INPP4B: variants seen among roughly 807,000 people sequenced by gnomAD.
INPP4B encodes inositol polyphosphate-4-phosphatase type II B.
INPP4B carries 55 observed loss-of-function variants against 122.5 expected under a neutral mutation model. The ratio of observed to expected loss-of-function variants is 0.45; its 90% CI spans 0.36 to 0.56. INPP4B has a LOEUF of 0.56. Ranked by LOEUF, INPP4B falls within the 20% of genes least tolerant of loss-of-function variation. The pLI is 0.00. For missense variants in INPP4B, 1,000 were observed against 1,097.7 expected, an observed-to-expected ratio of 0.91 and a Z score of 1.26; for synonymous variants, 403 against 388.7, an observed-to-expected ratio of 1.04 and a Z score of -0.43.
At chr4:142,688,507 G>C (rs1024649397) in intron 2 of INPP4B, among the ~76,000 whole-genome samples, 6 of 152,076 alleles carry the variant, frequency 3.9e-5, no homozygotes, top group Non-Finnish European at 8.8e-5. Flanking sequence ...ATGCCCTGAA[G>C]CCTTCTTGAA....
chr4:142,503,522 C>A (rs1823645104), intron 2 of INPP4B, among the ~76,000 whole-genome samples: 1 of 152,020 alleles, frequency 6.6e-6, no homozygotes, highest in Non-Finnish European at 1.5e-5. Context: ...TAAACAATAT[C>A]TAAACCAAAT....
intron 15 of INPP4B, among the ~76,000 whole-genome samples, chr4:142,181,053 C>T (rs1287217684): frequency 6.6e-6 from 1 of 152,160 alleles, no homozygotes; most frequent in Non-Finnish European, 1.5e-5. Flanking sequence ...CTAAACGCTA[C>T]ATGAAGGGCT....
At chr4:142,695,866 C>G (rs180937300) in intron 2 of INPP4B, among the ~76,000 whole-genome samples, 26 of 152,184 alleles carry the variant, frequency 1.7e-4, no homozygotes, top group Admixed American at 5.9e-4. Flanking sequence ...AGATGGATAT[C>G]CAGAGGGCTA....
intron 7 of INPP4B, among the ~76,000 whole-genome samples, chr4:142,398,401 AATATATATAT>A (rs1206023677): frequency 0.13 from 3,619 of 27,826 alleles, 195 homozygotes; most frequent in Middle Eastern, 0.28. Context: ...AAAAAAAAAA[AATATATATAT>A]ATATATATAT....
chr4:142,755,149 A>C (rs1429449197), intron 1 of INPP4B, among the ~76,000 whole-genome samples: 1 of 151,918 alleles, frequency 6.6e-6, no homozygotes, highest in Non-Finnish European at 1.5e-5. Flanking sequence ...TAAATCTGTT[A>C]ATCTTTTCTT....
chr4:142,374,228 T>C (rs1271633920), intron 7 of INPP4B, among the ~76,000 whole-genome samples: 1 of 151,964 alleles, frequency 6.6e-6, no homozygotes, highest in Non-Finnish European at 1.5e-5. Flanking sequence ...TGGCCCATGA[T>C]TACAGAATTA....
At chr4:142,160,619 G>A in intron 16 of INPP4B, 58 bp from the exon 17 acceptor site, 1 of 1,313,074 alleles carries the variant, frequency 7.6e-7, no homozygotes. Context: ...GCATAGAGCT[G>A]TGAAAAGGTC....
At chr4:142,039,901 T>C (rs1746250972) in intron 25 of INPP4B, among the ~76,000 whole-genome samples, 1 of 152,200 alleles carries the variant, frequency 6.6e-6, no homozygotes, top group African/African-American at 2.4e-5. Flanking sequence ...TGTTTTTTTT[T>C]CTTCTTACTT....
chr4:142,373,882 T>G (rs2148741203), intron 7 of INPP4B, among the ~76,000 whole-genome samples: 1 of 152,008 alleles, frequency 6.6e-6, no homozygotes, highest in Non-Finnish European at 1.5e-5. Context: ...ATTATAGTAC[T>G]GGAATATAAA....
Position 142,431,109 on chromosome 4 carries a change from T to G in INPP4B, c.91+60A>C, listed in dbSNP as rs1230635893. 7 of 1,284,776 alleles carry G rather than the reference T, an allele frequency of 5.4e-6. No individual in the cohort carries two copies. The African/African-American group carries it at 1.0e-4, about 19-fold the overall frequency. The allele number at this position is 1,284,776 out of a possible 1,614,324, so 79.6% of individuals were successfully genotyped here. On this transcript the variant is annotated intron_variant, in intron 4 of 25. Coordinates refer to ENST00000262992, the MANE Select transcript of INPP4B (RefSeq NM_001101669.3). ...TGAATGCATGTATGTATGTGTAAGT[T>G]TCATCGGCCCAATTTGCATCTTTAG...
intron 2 of INPP4B, among the ~76,000 whole-genome samples, chr4:142,513,425 G>C (rs74982252): frequency 1.3e-5 from 2 of 148,360 alleles, no homozygotes; most frequent in Non-Finnish European, 3.0e-5. Flanking sequence ...TTTTTTTTTT[G>C]AGACGAACTC....
At chr4:142,366,880 G>A (rs1326338370) in intron 7 of INPP4B, among the ~76,000 whole-genome samples, 1 of 152,134 alleles carries the variant, frequency 6.6e-6, no homozygotes, top group East Asian at 1.9e-4. Flanking sequence ...AACAGATGGT[G>A]AACTCAAAAT....
intron 1 of INPP4B, among the ~76,000 whole-genome samples, chr4:142,747,356 A>C (rs2150937432): frequency 6.6e-6 from 1 of 152,286 alleles, no homozygotes; most frequent in African/African-American, 2.4e-5. Flanking sequence ...GCGATCATTA[A>C]AAAGTCAGGA....
chr4:142,834,062 TA>T (rs1782496690), intron 1 of INPP4B, among the ~76,000 whole-genome samples: 1 of 152,168 alleles, frequency 6.6e-6, no homozygotes, highest in African/African-American at 2.4e-5. Flanking sequence ...AATTTAATTT[TA>T]AAGGCATGCT....
intron 2 of INPP4B, among the ~76,000 whole-genome samples, chr4:142,641,312 C>G (rs2150480820): frequency 6.6e-6 from 1 of 152,036 alleles, no homozygotes; most frequent in Non-Finnish European, 1.5e-5. Flanking sequence ...GGTACATGTG[C>G]ACAATGTGCA....
chr4:142,717,330 T>C (rs759516242), intron 2 of INPP4B, among the ~76,000 whole-genome samples: 1 of 152,206 alleles, frequency 6.6e-6, no homozygotes. Context: ...TTTCTATTAA[T>C]ATCCTCACTT....
intron 2 of INPP4B, among the ~76,000 whole-genome samples, chr4:142,710,560 A>G (rs184812164): frequency 6.6e-4 from 100 of 152,348 alleles, no homozygotes; most frequent in African/African-American, 2.2e-3. Context: ...ATATGAGTGT[A>G]CTGCACATAT....
chr4:142,514,445 G>T (rs1317394726), intron 2 of INPP4B: 1 of 152,088 alleles, frequency 6.6e-6, no homozygotes, highest in Non-Finnish European at 1.5e-5. Context: ...TTTGTTTTCT[G>T]CCATAAATGT....
chr4:142,776,035 T>C (rs1328049303), intron 1 of INPP4B, among the ~76,000 whole-genome samples: 2 of 152,308 alleles, frequency 1.3e-5, no homozygotes, highest in Non-Finnish European at 2.9e-5. Flanking sequence ...ATATAGAGCA[T>C]ATATGGAGTA....
Sources: allele counts gnomAD v4.1 joint callset (sites outside exome capture counted in the v4.1 genomes callset), GRCh38; gene constraint gnomAD v4.1.1; transcripts MANE v1.5; gene names NCBI Gene and HGNC (gene_info 2026-07-23, HGNC 2026-07-21).